Variants in ANK3 observed in about 807,000 individuals in gnomAD.
The protein encoded by ANK3 is ankyrin-3.
In ANK3, 57 loss-of-function variants were observed where a neutral mutation model predicts 370.9. The observed-to-expected ratio is 0.15, with a 90% confidence interval of 0.12 to 0.19. The LOEUF is 0.19. Ranked by LOEUF, ANK3 falls within the 10% of genes least tolerant of loss-of-function variation. ANK3 has a pLI of 1.00. For synonymous variants in ANK3, 1,929 were observed against 1,946.3 expected (o/e 0.99, Z 0.23); for missense variants, 4,439 against 5,302.1 (o/e 0.84, Z 5.06).
At position 60,588,169 on chromosome 10, in the gene ANK3, ATT is replaced by A. The variant is rs2077858874; in HGVS notation, c.96+27015_96+27016del. On this transcript the variant is annotated intron_variant, in intron 2 of 43. Transcript: ENST00000373827. Reference sequence around the variant, plus strand: ...GTTGAGTTTCTCAGTTTTTATTATTATTATTATTATTATTATTATTATTATTA... The same window carrying A: ...GTTGAGTTTCTCAGTTTTTATTATTAATTATTATTATTATTATTATTATTA... Among the ~76,000 whole-genome samples, 4 of 145,350 alleles carry A rather than the reference ATT, an allele frequency of 2.8e-5. No homozygotes were observed. The East Asian group carries it at 8.0e-4, about 29-fold the overall frequency.
chr10:60,634,454 T>C (rs187927497), intron 1 of ANK3, among the ~76,000 whole-genome samples: 242 of 152,126 alleles, frequency 1.6e-3, no homozygotes, highest in Admixed American at 3.1e-3. Flanking sequence ...GCTAAAGGAT[T>C]GTAAACGGAC....
rs112697260 is a variant in ANK3 at position 60,663,608 on chromosome 10, T to C, written c.58-48384A>G. 9.1e-4 allele frequency among the ~76,000 whole-genome samples: 139 copies of C among 152,330 alleles called. 1 individual carries two copies. The highest frequency in any genetic ancestry group is 6.8e-3 in the Middle Eastern group (2 of 294). On this transcript the variant is annotated intron_variant, in intron 1 of 43. Coordinates refer to the ANK3 transcript ENST00000373827. ...ACAGCACTAAAACTGAGTTTTCTTATTCACAGAATACGTCTGATAATAGCA... is the reference window on the plus strand; with the variant it reads ...ACAGCACTAAAACTGAGTTTTCTTACTCACAGAATACGTCTGATAATAGCA...
At chr10:60,514,112 CCTTT>C (rs2076156328) in intron 2 of ANK3, among the ~76,000 whole-genome samples, 1 of 152,082 alleles carries the variant, frequency 6.6e-6, no homozygotes, top group African/African-American at 2.4e-5. Flanking sequence ...TCTGTAGCTT[CCTTT>C]ATTATAAGAA....
chr10:60,504,750 T>C (rs948597116), intron 2 of ANK3, among the ~76,000 whole-genome samples: 1 of 152,072 alleles, frequency 6.6e-6, no homozygotes, highest in African/African-American at 2.4e-5. Context: ...ATACAGAACA[T>C]TCTATAGGAC....
At chr10:60,111,431 TA>T (rs1166135649) in intron 26 of ANK3, among the ~76,000 whole-genome samples, 2 of 152,188 alleles carry the variant, frequency 1.3e-5, no homozygotes, top group Non-Finnish European at 2.9e-5. Context: ...AATAACATTA[TA>T]AAATATAGTG....
At chr10:60,421,059 C>A (rs997334725) in intron 2 of ANK3, among the ~76,000 whole-genome samples, 1 of 151,962 alleles carries the variant, frequency 6.6e-6, no homozygotes, top group Non-Finnish European at 1.5e-5. Flanking sequence ...ACAAATGAAA[C>A]TTGAGCACAT....
At chr10:60,453,568 C>G (rs1444740509) in intron 2 of ANK3, among the ~76,000 whole-genome samples, 4 of 152,274 alleles carry the variant, frequency 2.6e-5, no homozygotes, top group South Asian at 4.1e-4. Flanking sequence ...CAGGTAGGAT[C>G]TAGAAGATAC....
chr10:60,166,663 T>C lies in ANK3; in HGVS notation c.2552-10A>G. On this transcript the variant is annotated splice_polypyrimidine_tract_variant and intron_variant, in intron 22 of 43. Coordinates refer to ENST00000280772, the MANE Select transcript of ANK3 (RefSeq NM_020987.5). ...GCATTGGCTTTACGAACTGCATGAT[T>C]GAAGTGAACAATATAAGTGGATGAA... The C allele has an allele frequency of 6.2e-7, 1 of 1,613,192 alleles. No individual in the cohort carries two copies. Among genetic ancestry groups the C allele is most frequent in the South Asian group, 1.1e-5 (1 of 91,044 alleles).
At chr10:60,562,864 T>C (rs542254441) in intron 2 of ANK3, among the ~76,000 whole-genome samples, 5 of 152,212 alleles carry the variant, frequency 3.3e-5, no homozygotes, top group African/African-American at 4.8e-5. Flanking sequence ...AAGAACTCCA[T>C]TGTATGTGCT....
chr10:60,438,306 C>A (rs1193368622), intron 2 of ANK3, among the ~76,000 whole-genome samples: 1 of 151,958 alleles, frequency 6.6e-6, no homozygotes, highest in African/African-American at 2.4e-5. Flanking sequence ...ATGGCCAGGA[C>A]AGGCATTAAA....
chr10:60,144,765 A>T (rs2094729940), intron 23 of ANK3, among the ~76,000 whole-genome samples: 1 of 152,214 alleles, frequency 6.6e-6, no homozygotes, highest in South Asian at 2.1e-4. Flanking sequence ...GTGGTGGGCC[A>T]AATAGGTGTG....
rs1365673811 is a variant in ANK3 at position 60,371,743 on chromosome 10, C to T, written c.114+17682G>A. Among the ~76,000 whole-genome samples the T allele has an allele frequency of 3.3e-5, 5 of 152,286 alleles. No homozygotes were observed. In the East Asian group the frequency reaches 9.6e-4, roughly 29 times the overall value. On this transcript the variant is annotated intron_variant, in intron 1 of 43. Transcript: ENST00000280772. ...TTATTCTGAACTATATGAAAATCAG[C>T]CTTTCATAAATTTTAACACATTACA... is the stretch of plus-strand genomic sequence containing the variant.
At chr10:60,676,906 A>G (rs1465002220) in intron 1 of ANK3, among the ~76,000 whole-genome samples, 1 of 152,222 alleles carries the variant, frequency 6.6e-6, no homozygotes, top group East Asian at 1.9e-4. Flanking sequence ...AATGTTCCCA[A>G]TACAAAGAAA....
chr10:60,123,144 T>TA (rs2093589920), intron 25 of ANK3, among the ~76,000 whole-genome samples: 1 of 152,178 alleles, frequency 6.6e-6, no homozygotes, highest in Non-Finnish European at 1.5e-5. Flanking sequence ...TAGCACTGGG[T>TA]GGCTTTAATA....
At chr10:60,253,969 G>A (rs556532571) in intron 7 of ANK3, among the ~76,000 whole-genome samples, 1 of 152,112 alleles carries the variant, frequency 6.6e-6, no homozygotes, top group South Asian at 2.1e-4. Context: ...TTTAAAGCAT[G>A]ATTTGTATAA....
chr10:60,240,300 A>T (rs1300905804), intron 7 of ANK3, among the ~76,000 whole-genome samples: 1,698 of 93,886 alleles, frequency 0.018, 93 homozygotes, highest in African/African-American at 0.066. Flanking sequence ...ATATATATAT[A>T]TATATATTTT....
chr10:60,250,903 T>G (rs960463318), intron 7 of ANK3, among the ~76,000 whole-genome samples: 2 of 152,206 alleles, frequency 1.3e-5, no homozygotes, highest in Non-Finnish European at 2.9e-5. Context: ...CTGCTGTCAA[T>G]TCTGGTTTTC....
intron 2 of ANK3, among the ~76,000 whole-genome samples, chr10:60,481,455 C>T (rs1234952976): frequency 2.7e-5 from 4 of 146,798 alleles, no homozygotes; most frequent in Non-Finnish European, 6.0e-5. Context: ...TGGCTATGAA[C>T]ACAAGGAAGA....
chr10:60,492,918 T>C (rs1210063419), intron 2 of ANK3, among the ~76,000 whole-genome samples: 2 of 128,556 alleles, frequency 1.6e-5, no homozygotes, highest in Non-Finnish European at 3.3e-5. Context: ...CTACTAAAAA[T>C]ACAAAAAAAA....
Sources: allele counts gnomAD v4.1 joint callset (sites outside exome capture counted in the v4.1 genomes callset), GRCh38; gene constraint gnomAD v4.1.1; transcripts MANE v1.5; gene names NCBI Gene and HGNC (gene_info 2026-07-23, HGNC 2026-07-21).